The following CATSPERE variants were observed in gnomAD, a reference collection of about 807,000 sequenced individuals.
CATSPERE encodes the protein catsper channel auxiliary subunit epsilon, also known as cation channel sperm-associated auxiliary subunit epsilon.
Under a neutral mutation model 114.1 loss-of-function variants are expected in CATSPERE, and 93 were observed. The observed-to-expected ratio is 0.81, with a 90% CI of 0.69 to 0.97. The LOEUF (loss-of-function observed/expected upper bound fraction) is 0.97. Among genes scored for constraint, CATSPERE ranks in the 50% least tolerant of loss-of-function variants. The pLI, the probability that CATSPERE is intolerant of heterozygous loss-of-function variation, is 0.00. For missense variants in CATSPERE, 1,058 were observed against 1,131.6 expected (o/e 0.93, Z 0.93); for synonymous variants, 341 against 384.1 (o/e 0.89, Z 1.31).
In CATSPERE at chr1:244,552,532, A is replaced by G. The variant is rs566703602; in HGVS notation, c.747A>G (p.Ala249=). The change falls in exon 9 of 22, where the codon GCA becomes GCG. Residue 249 remains alanine, a synonymous_variant. Coordinates refer to ENST00000366534, the MANE Select transcript of CATSPERE (RefSeq NM_001130957.2). Reference sequence around the variant, plus strand: ...CTTCCTGGGATGCTTGTGTAGTTGCATCTGCTGTTTTGGTGACAGATATGG... The same window carrying G: ...CTTCCTGGGATGCTTGTGTAGTTGCGTCTGCTGTTTTGGTGACAGATATGG... ...LMASWDACVV[A]SAVLVTDMET... is the part of the protein sequence containing the mutation. 6.2e-7 allele frequency: 1 copy of G among 1,614,190 alleles called. No individual in the cohort carries two copies. Among genetic ancestry groups the G allele is most frequent in the East Asian group, 2.2e-5 (1 of 44,878 alleles).
intron 11 of CATSPERE, among the ~76,000 whole-genome samples, chr1:244,578,012 A>G (rs1665548385): frequency 6.6e-6 from 1 of 152,234 alleles, no homozygotes; most frequent in Non-Finnish European, 1.5e-5. Context: ...ATGTACCAAA[A>G]TAAAAGGATA....
intron 9 of CATSPERE, among the ~76,000 whole-genome samples, chr1:244,556,815 G>T (rs72773450): frequency 0.045 from 6,849 of 151,878 alleles, 200 homozygotes; most frequent in Non-Finnish European, 0.064. Flanking sequence ...TAGTAAAGCT[G>T]CAGGTTACAA....
intron 20 of CATSPERE, among the ~76,000 whole-genome samples, chr1:244,621,221 T>TATATATAGATATATCTATATAGATATATC (rs1193509974): frequency 2.9e-5 from 2 of 69,196 alleles, no homozygotes; most frequent in African/African-American, 1.4e-4. Flanking sequence ...ATATATATAT[T>TATATATAGATATATCTATATAGATATATC]TATATAAATA....
chr1:244,595,787 G>T lies in CATSPERE; in HGVS notation c.2303+2209G>T, dbSNP rs193263927. ...TCTACTAAAAATACAAAAAAAATTA[G>T]CCGGGCGTGGTGGCGGGCACCTGTA... On this transcript the variant is annotated intron_variant, in intron 17 of 21. Transcript: ENST00000366534. Among the ~76,000 whole-genome samples the T allele has an allele frequency of 5.0e-3, 755 of 152,278 alleles. 7 individuals carry two copies. The highest frequency in any genetic ancestry group is 0.018 in the African/African-American group (735 of 41,562).
chr1:244,609,194 C>A (rs1337074008), intron 18 of CATSPERE, among the ~76,000 whole-genome samples: 1 of 151,814 alleles, frequency 6.6e-6, no homozygotes, highest in Non-Finnish European at 1.5e-5. Context: ...TCTAAACAAA[C>A]AAATAAATAA....
chr1:244,510,085 A>C (rs1408819726), intron 7 of CATSPERE, among the ~76,000 whole-genome samples: 1 of 151,310 alleles, frequency 6.6e-6, no homozygotes, highest in Non-Finnish European at 1.5e-5. Flanking sequence ...TTCTGCTCTG[A>C]TCTTTATTCT....
intron 5 of CATSPERE, among the ~76,000 whole-genome samples, chr1:244,480,316 G>T (rs1045183645): frequency 6.6e-6 from 1 of 152,144 alleles, no homozygotes; most frequent in Non-Finnish European, 1.5e-5. Context: ...AGTTAAAAAA[G>T]TATCAGTGAT....
At chr1:244,610,896 G>A (rs535232418) in intron 19 of CATSPERE, among the ~76,000 whole-genome samples, 1 of 151,992 alleles carries the variant, frequency 6.6e-6, no homozygotes, top group Non-Finnish European at 1.5e-5. Context: ...GAGTAGCTGG[G>A]ACTACAGGCA....
At position 244,593,579 on chromosome 1, in the gene CATSPERE, G is replaced by A. The variant is rs746900808; in HGVS notation, c.2303+1G>A. On this transcript the variant is annotated splice_donor_variant, in intron 17 of 21. Transcript: ENST00000366534. LOFTEE classifies it high-confidence loss of function. ...AAAAGTTTCAACCTGTGGTTCAACT[G>A]TAAGTATATTCTCATCAACATTTTA... 24 of 1,610,100 alleles carry A rather than the reference G, an allele frequency of 1.5e-5. No homozygotes were observed. The highest frequency in any genetic ancestry group is 2.5e-6 in the Non-Finnish European group (3 of 1,176,716).
chr1:244,478,685 T>G (rs1490385593), intron 4 of CATSPERE, among the ~76,000 whole-genome samples: 1 of 152,252 alleles, frequency 6.6e-6, no homozygotes, highest in Non-Finnish European at 1.5e-5. Context: ...ATCCTTATGA[T>G]GTGAAACATA....
At chr1:244,615,978 A>C (rs1366313494) in intron 19 of CATSPERE, among the ~76,000 whole-genome samples, 1 of 150,998 alleles carries the variant, frequency 6.6e-6, no homozygotes, top group East Asian at 1.9e-4. Flanking sequence ...AAAAGTAAAA[A>C]ATTAGCCAGG....
chr1:244,590,910 GTGTT>G (rs1667642906), intron 14 of CATSPERE, among the ~76,000 whole-genome samples: 2 of 152,078 alleles, frequency 1.3e-5, no homozygotes, highest in Admixed American at 6.5e-5. Flanking sequence ...TTGTGTACAA[GTGTT>G]TGTTTGAACA....
upstream of CATSPERE, chr1:244,451,941 G>GC: frequency 9.9e-7 from 1 of 1,008,946 alleles, no homozygotes; most frequent in Non-Finnish European, 1.4e-6. This position sits in a 1 kb window ranked among gnomAD's most constrained non-coding sequence, Gnocchi z 6.6. Context: ...CCCCGCCCCC[G>GC]CCCCGCCGGG....
At chr1:244,608,957 G>C (rs1458467483) in intron 18 of CATSPERE, among the ~76,000 whole-genome samples, 1 of 152,092 alleles carries the variant, frequency 6.6e-6, no homozygotes, top group Non-Finnish European at 1.5e-5. Flanking sequence ...GGGAGGCTGA[G>C]GCAGGTGATC....
rs61111773 is a variant in CATSPERE, at chr1:244,495,955, A to G, written c.352-3047A>G. Among the ~76,000 whole-genome samples, 850 of 152,362 alleles carry G rather than the reference A, an allele frequency of 5.6e-3. 10 individuals carry two copies. The highest frequency in any genetic ancestry group is 0.02 in the African/African-American group (819 of 41,598). ...ACAAATACAACTTTGCAAGCAGTCA[A>G]ACACATAGCGCCCAGGCGGAAGTGA... On this transcript the variant is annotated intron_variant, in intron 6 of 21. Transcript: ENST00000366534.
intron 17 of CATSPERE, among the ~76,000 whole-genome samples, chr1:244,594,581 G>A (rs190587827): frequency 2.1e-4 from 32 of 152,200 alleles, no homozygotes; most frequent in Non-Finnish European, 3.4e-4. Flanking sequence ...GTTTGGTCAC[G>A]AGTCCAGGTA....
intron 9 of CATSPERE, among the ~76,000 whole-genome samples, chr1:244,559,900 A>G (rs1340261972): frequency 6.6e-6 from 1 of 152,236 alleles, no homozygotes; most frequent in African/African-American, 2.4e-5. Context: ...ATGTAATATG[A>G]CCAATTTCTA....
chr1:244,477,813 C>T, intron 3 of CATSPERE, 93 bp from the exon 4 acceptor site: 2 of 1,082,258 alleles, frequency 1.8e-6, no homozygotes, highest in Non-Finnish European at 2.7e-6. Context: ...TATCAGCATA[C>T]AATTGAAATT....
chr1:244,519,638 C>G (rs1440541055), intron 8 of CATSPERE, among the ~76,000 whole-genome samples: 1 of 152,122 alleles, frequency 6.6e-6, no homozygotes, highest in Non-Finnish European at 1.5e-5. Flanking sequence ...GGGATGGCGT[C>G]CTGTCCAGGG....
Sources: gnomAD v4.1 joint callset for allele counts (sites outside exome capture counted in the v4.1 genomes callset) on GRCh38, gnomAD v4.1.1 for gene constraint, Gnocchi (gnomAD v3.1) non-coding constraint, MANE v1.5 for transcripts, NCBI Gene and HGNC (gene_info 2026-07-23, HGNC 2026-07-21) for gene names.